PDCD1LG2: variants seen among roughly 807,000 people sequenced by gnomAD.
PDCD1LG2 encodes B7 dendritic cell molecule.
Under a neutral mutation model 28.2 loss-of-function variants are expected in PDCD1LG2, and 32 were observed. The observed-to-expected ratio is 1.13, with a 90% CI of 0.86 to 1.52. PDCD1LG2 has a LOEUF of 1.52. Ranked by LOEUF, PDCD1LG2 falls within the 40% of genes most tolerant of loss-of-function variation. The probability of loss-of-function intolerance (pLI) is 0.00; values close to 1 mark genes in which losing one functional copy is unlikely to be tolerated. For synonymous variants in PDCD1LG2, 116 were observed against 120.2 expected, an observed-to-expected ratio of 0.97 and a Z score of 0.23; for missense variants, 385 against 323.8, an observed-to-expected ratio of 1.19 and a Z score of -1.45.
intron 2 of PDCD1LG2, among the ~76,000 whole-genome samples, chr9:5,533,345 T>A (rs1466470561): frequency 6.6e-6 from 1 of 152,238 alleles, no homozygotes; most frequent in Admixed American, 6.5e-5. Context: ...GCTTTTTTTA[T>A]AGAACTATTT....
chr9:5,516,532 G>C (rs1820167473), intron 1 of PDCD1LG2, among the ~76,000 whole-genome samples: 1 of 152,230 alleles, frequency 6.6e-6, no homozygotes, highest in African/African-American at 2.4e-5. Context: ...GGTTTCACCA[G>C]GGACCTAACC....
intron 2 of PDCD1LG2, among the ~76,000 whole-genome samples, chr9:5,523,393 T>C (rs926914610): frequency 6.6e-6 from 1 of 152,196 alleles, no homozygotes; most frequent in African/African-American, 2.4e-5. Flanking sequence ...AAATCATCTT[T>C]CTGCTCATGA....
At chr9:5,562,392 A>G (rs1156523321) in intron 5 of PDCD1LG2, among the ~76,000 whole-genome samples, 1 of 152,224 alleles carries the variant, frequency 6.6e-6, no homozygotes, top group African/African-American at 2.4e-5. Flanking sequence ...CAGGAATGGA[A>G]AACCAAATAC....
chr9:5,514,231 T>C (rs1820113463), intron 1 of PDCD1LG2, among the ~76,000 whole-genome samples: 1 of 152,246 alleles, frequency 6.6e-6, no homozygotes, highest in Non-Finnish European at 1.5e-5. Flanking sequence ...GTGTCTTATT[T>C]ACCCTTGTAT....
intron 6 of PDCD1LG2, among the ~76,000 whole-genome samples, chr9:5,568,615 T>C (rs1816712362): frequency 6.6e-6 from 1 of 152,136 alleles, no homozygotes; most frequent in African/African-American, 2.4e-5. Flanking sequence ...ATTTGGAAAA[T>C]CATGTAGCTC....
intron 3 of PDCD1LG2, among the ~76,000 whole-genome samples, chr9:5,543,310 T>C (rs764787448): frequency 9.9e-5 from 15 of 151,994 alleles, no homozygotes; most frequent in East Asian, 5.8e-4. Flanking sequence ...GAGGCCGAGG[T>C]GGGCAGATCA....
chr9:5,539,956 A>G (rs1820657381), intron 3 of PDCD1LG2, among the ~76,000 whole-genome samples: 1 of 152,248 alleles, frequency 6.6e-6, no homozygotes, highest in Admixed American at 6.5e-5. Flanking sequence ...ATTCATCAGC[A>G]TATGGAACAT....
chr9:5,556,937 C>A (rs1816454267), intron 4 of PDCD1LG2, among the ~76,000 whole-genome samples: 1 of 152,230 alleles, frequency 6.6e-6, no homozygotes, highest in African/African-American at 2.4e-5. Flanking sequence ...CTACTAAACT[C>A]ACCCTTTCCT....
intron 4 of PDCD1LG2, among the ~76,000 whole-genome samples, chr9:5,554,550 G>T (rs902500553): frequency 2.6e-5 from 4 of 152,302 alleles, no homozygotes; most frequent in Middle Eastern, 3.4e-3. Context: ...AGAGTATGGT[G>T]GGTGGAGGGT....
At chr9:5,530,601 G>C (rs145139529) in intron 2 of PDCD1LG2, among the ~76,000 whole-genome samples, 1 of 152,084 alleles carries the variant, frequency 6.6e-6, no homozygotes, top group Non-Finnish European at 1.5e-5. Context: ...TTTGAATTCC[G>C]GTTCCATGAG....
intron 2 of PDCD1LG2, among the ~76,000 whole-genome samples, chr9:5,524,744 A>G (rs987675898): frequency 6.6e-6 from 1 of 152,184 alleles, no homozygotes; most frequent in Admixed American, 6.5e-5. Context: ...TCTATTATGT[A>G]TATTCAGGTT....
chr9:5,544,278 G>C (rs1820749556), intron 3 of PDCD1LG2, among the ~76,000 whole-genome samples: 1 of 152,188 alleles, frequency 6.6e-6, no homozygotes, highest in Non-Finnish European at 1.5e-5. Flanking sequence ...GCAGAAAGCT[G>C]CTCCTACCAC....
At chr9:5,513,980 G>A (rs1820108932) in intron 1 of PDCD1LG2, among the ~76,000 whole-genome samples, 1 of 152,170 alleles carries the variant, frequency 6.6e-6, no homozygotes, top group African/African-American at 2.4e-5. Flanking sequence ...AGATCAATTG[G>A]GTATGCATTT....
At chr9:5,532,047 G>A (rs1820493506) in intron 2 of PDCD1LG2, among the ~76,000 whole-genome samples, 1 of 152,134 alleles carries the variant, frequency 6.6e-6, no homozygotes, top group Non-Finnish European at 1.5e-5. Flanking sequence ...CCTTAAGAGG[G>A]TCCCATTATG....
At chr9:5,565,190 ATTT>A (rs1001274401) in intron 6 of PDCD1LG2, among the ~76,000 whole-genome samples, 1 of 151,066 alleles carries the variant, frequency 6.6e-6, no homozygotes, top group Non-Finnish European at 1.5e-5. Context: ...ATTTAATTCA[ATTT>A]TTTTTTAGAG....
chr9:5,552,460 G>C (rs1281353118), intron 4 of PDCD1LG2, among the ~76,000 whole-genome samples: 1 of 152,168 alleles, frequency 6.6e-6, no homozygotes. Context: ...TGAGTCATTA[G>C]AAGTAATGGT....
At position 5,549,596 on chromosome 9, in the gene PDCD1LG2, A is replaced by T; in HGVS notation, c.623A>T (p.Asp208Val). The change falls in exon 4 of 7, where the codon GAC becomes GTC. Residue 208 changes from aspartate (D) to valine (V), a missense_variant. Physicochemically the swap from Asp to Val is radical, Grantham distance 152. Coordinates refer to ENST00000397747, the MANE Select transcript of PDCD1LG2 (RefSeq NM_025239.4). Reference protein sequence around the residue: ...HVRELTLASIDLQSQMEPRTH... With the variant: ...HVRELTLASIVLQSQMEPRTH... ...AGGGAACTTACTTTGGCCAGCATTG[A>T]CCTTCAAAGTAAGAGCTGCCCCCAC... 6.2e-7 allele frequency: 1 copy of T among 1,614,136 alleles called. No individual in the cohort carries two copies. The highest frequency in any genetic ancestry group is 8.5e-7 in the Non-Finnish European group (1 of 1,179,984).
At chr9:5,560,105 C>G (rs1014028717) in intron 5 of PDCD1LG2, among the ~76,000 whole-genome samples, 1 of 152,218 alleles carries the variant, frequency 6.6e-6, no homozygotes, top group African/African-American at 2.4e-5. Flanking sequence ...TATATGTTTC[C>G]ATAGCACCTA....
chr9:5,511,141 T>C (rs1327339161), intron 1 of PDCD1LG2, among the ~76,000 whole-genome samples: 3 of 152,232 alleles, frequency 2.0e-5, no homozygotes, highest in Non-Finnish European at 4.4e-5. Context: ...CTTAAAAATC[T>C]GTTTTCCTAT....
Sources: gnomAD v4.1 joint callset for allele counts (sites outside exome capture counted in the v4.1 genomes callset) on GRCh38, gnomAD v4.1.1 for gene constraint, MANE v1.5 for transcripts, NCBI Gene and HGNC (gene_info 2026-07-23, HGNC 2026-07-21) for gene names.